Variants in SLC28A3 observed in about 807,000 individuals in gnomAD.
SLC28A3 encodes the protein solute carrier family 28 member 3.
Under a neutral mutation model 84.2 loss-of-function variants are expected in SLC28A3, and 68 were observed. The observed-to-expected ratio is 0.81, with a 90% confidence interval of 0.66 to 0.99. The LOEUF (loss-of-function observed/expected upper bound fraction) is 0.99, where lower values mean the gene tolerates loss of function less well. SLC28A3 is among the 50% of genes least tolerant of loss of function. SLC28A3 has a pLI of 0.00. For missense variants in SLC28A3, 712 were observed against 841.5 expected, an observed-to-expected ratio of 0.85 and a Z score of 1.90; for synonymous variants, 267 against 303.6, an observed-to-expected ratio of 0.88 and a Z score of 1.25.
At chr9:84,354,042 G>A in the SLC28A3 span, among the ~76,000 whole-genome samples, 1 of 152,208 alleles carries the variant, frequency 6.6e-6, no homozygotes, top group Non-Finnish European at 1.5e-5. Flanking sequence ...GTTAGTATAG[G>A]AATGTGGCTC....
intron 4 of SLC28A3, 35 bp downstream of exon 4, chr9:84,305,219 A>C: frequency 1.4e-6 from 2 of 1,438,984 alleles, no homozygotes; most frequent in Non-Finnish European, 1.9e-6. Flanking sequence ...AAAAAAAAAA[A>C]GACAGTGGTA....
At chr9:84,305,786 A>C (rs1825770122) in intron 3 of SLC28A3, among the ~76,000 whole-genome samples, 1 of 152,174 alleles carries the variant, frequency 6.6e-6, no homozygotes, top group Non-Finnish European at 1.5e-5. Flanking sequence ...AAGTTTGAGC[A>C]AGTTGGTGGT....
chr9:84,279,537 G>T, intron 16 of SLC28A3, 152 bp from the exon 17 acceptor site: 4 of 514,482 alleles, frequency 7.8e-6, no homozygotes, highest in Non-Finnish European at 1.1e-5. Flanking sequence ...TGCCTCCCGG[G>T]TTCAAGCGAT....
At chr9:84,338,906 C>T (rs1827066894) in intron 1 of SLC28A3, among the ~76,000 whole-genome samples, 1 of 152,016 alleles carries the variant, frequency 6.6e-6, no homozygotes, top group African/African-American at 2.4e-5. Flanking sequence ...GAGCTCTCTG[C>T]CCTCCCCCAT....
At chr9:84,289,694 T>A (rs113499564) in intron 11 of SLC28A3, among the ~76,000 whole-genome samples, 1,857 of 152,348 alleles carry the variant, frequency 0.012, 42 homozygotes, top group African/African-American at 0.043. Context: ...ATTGTTGTCT[T>A]TGTGGATCAC....
chr9:84,334,223 G>A (rs1231431885), intron 1 of SLC28A3, among the ~76,000 whole-genome samples: 1 of 152,120 alleles, frequency 6.6e-6, no homozygotes, highest in East Asian at 1.9e-4. Context: ...CGCTTGAACT[G>A]GGGAGGCAGA....
chr9:84,281,080 G>A (rs571932883), intron 14 of SLC28A3, among the ~76,000 whole-genome samples, 198 bp from the exon 15 acceptor site: 1 of 152,284 alleles, frequency 6.6e-6, no homozygotes, highest in African/African-American at 2.4e-5. Context: ...AGGGGGCTGT[G>A]TGGACTCAGT....
chr9:84,310,892 A>G (rs1463376986), intron 2 of SLC28A3, among the ~76,000 whole-genome samples: 1 of 152,100 alleles, frequency 6.6e-6, no homozygotes, highest in Non-Finnish European at 1.5e-5. Flanking sequence ...CATCATTATT[A>G]TTTTCTTGCA....
intron 10 of SLC28A3, 94 bp from the exon 11 acceptor site, chr9:84,290,373 C>CA (rs1825166455): frequency 6.7e-7 from 1 of 1,487,798 alleles, no homozygotes; most frequent in African/African-American, 1.4e-5. Flanking sequence ...TTCTTTAAAG[C>CA]AGACAGTTTC....
intron 1 of SLC28A3, among the ~76,000 whole-genome samples, chr9:84,316,364 G>T (rs117177103): frequency 6.6e-6 from 1 of 152,198 alleles, no homozygotes; most frequent in East Asian, 1.9e-4. Flanking sequence ...TTCTGGCAAC[G>T]AAATGAAAGT....
chr9:84,345,286 TAGAC>T (rs1198327569), upstream of SLC28A3, among the ~76,000 whole-genome samples: 3 of 150,342 alleles, frequency 2.0e-5, no homozygotes, highest in Non-Finnish European at 4.4e-5. Flanking sequence ...TACAGATAAA[TAGAC>T]AGCAAATATT....
chr9:84,303,472 C>T (rs1825696297), intron 4 of SLC28A3, among the ~76,000 whole-genome samples: 2 of 152,198 alleles, frequency 1.3e-5, no homozygotes, highest in Non-Finnish European at 2.9e-5. Flanking sequence ...AGGCATGTGC[C>T]ACCACGCCCG....
rs371950448 is a variant in SLC28A3, at chr9:84,332,964, C to A, written c.60+7610G>T. On this transcript the variant is annotated intron_variant, in intron 1 of 17. Transcript: ENST00000376238. ...CATAACTGACAAAGGGCTTGTCAAT[C>A]GAGGAAAATGATGAGACAAGTCTCA... is the stretch of plus-strand genomic sequence containing the variant. Among the ~76,000 whole-genome samples, 20 of 152,230 alleles carry A rather than the reference C, an allele frequency of 1.3e-4. No individual in the cohort carries two copies. The East Asian group carries it at 3.7e-3, about 28-fold the overall frequency.
At chr9:84,351,971 G>A in the SLC28A3 span, among the ~76,000 whole-genome samples, 1 of 151,694 alleles carries the variant, frequency 6.6e-6, no homozygotes, top group Admixed American at 6.6e-5. Flanking sequence ...ACTGTAATGA[G>A]AGTTTTTTGC....
At chr9:84,341,870 T>C (rs1827165796), upstream of SLC28A3, among the ~76,000 whole-genome samples, 1 of 152,184 alleles carries the variant, frequency 6.6e-6, no homozygotes, top group Non-Finnish European at 1.5e-5. Flanking sequence ...GGCTCACGCC[T>C]GTAATCCCAG....
chr9:84,335,715 G>GTA (rs1474747908), intron 1 of SLC28A3, among the ~76,000 whole-genome samples: 5 of 60,374 alleles, frequency 8.3e-5, no homozygotes, highest in African/African-American at 3.0e-4. Flanking sequence ...GTATATACGT[G>GTA]TGTGTGTGTG....
At chr9:84,330,601 C>A (rs1826745681) in intron 1 of SLC28A3, among the ~76,000 whole-genome samples, 2 of 152,082 alleles carry the variant, frequency 1.3e-5, no homozygotes, top group South Asian at 2.1e-4. Flanking sequence ...GAAAAACAGG[C>A]ATGTTTAGAA....
the SLC28A3 span, among the ~76,000 whole-genome samples, chr9:84,352,210 G>T: frequency 6.6e-6 from 1 of 151,882 alleles, no homozygotes; most frequent in East Asian, 1.9e-4. Context: ...TTAAGACAGA[G>T]TCTCGCACTG....
chr9:84,344,450 A>G (rs1289239561), upstream of SLC28A3, among the ~76,000 whole-genome samples: 1 of 152,004 alleles, frequency 6.6e-6, no homozygotes, highest in Non-Finnish European at 1.5e-5. Context: ...TGCCCTCCCA[A>G]AGTGCTGGGA....
Sources: gnomAD v4.1 joint callset for allele counts (sites outside exome capture counted in the v4.1 genomes callset) on GRCh38, gnomAD v4.1.1 for gene constraint, MANE v1.5 for transcripts, NCBI Gene and HGNC (gene_info 2026-07-23, HGNC 2026-07-21) for gene names.